TMEM40: variants seen among roughly 807,000 people sequenced by gnomAD.
The protein encoded by TMEM40 is transmembrane protein 40.
In TMEM40, 34 loss-of-function variants were observed where a neutral mutation model predicts 40.8. The ratio of observed to expected loss-of-function variants is 0.83; its 90% CI spans 0.63 to 1.11. The LOEUF (loss-of-function observed/expected upper bound fraction) is 1.11, where lower values mean the gene tolerates loss of function less well. Among genes scored for constraint, TMEM40 ranks in the 50% least tolerant of loss-of-function variants. The pLI is 0.00. For missense variants in TMEM40, 296 were observed against 280.2 expected, an observed-to-expected ratio of 1.06 and a Z score of -0.40; for synonymous variants, 106 against 107.0, an observed-to-expected ratio of 0.99 and a Z score of 0.06.
At chr3:12,735,214 G>A (rs967103568) in intron 11 of TMEM40, among the ~76,000 whole-genome samples, 1 of 152,224 alleles carries the variant, frequency 6.6e-6, no homozygotes, top group East Asian at 1.9e-4. Context: ...GTACAGCCAT[G>A]GAGAAGACAG....
rs2061349912 is a variant in TMEM40, at chr3:12,737,933, C to T, written c.425-179G>A. On this transcript the variant is annotated intron_variant, in intron 7 of 11. Coordinates refer to ENST00000314124, the MANE Select transcript of TMEM40 (RefSeq NM_018306.4). ...GTACTGTCCTTGGAACCCCCACTGA[C>T]TTCCTCCTCCTTCCTTAGGCCCGAG... is the stretch of plus-strand genomic sequence containing the variant. 6.7e-6 allele frequency: 6 copies of T among 898,036 alleles called. No individual in the cohort carries two copies. The South Asian group carries it at 7.2e-5, about 11-fold the overall frequency. The allele number at this position is 898,036 out of a possible 1,614,324, so 55.6% of individuals were successfully genotyped here.
chr3:12,735,415 C>T, intron 11 of TMEM40, 140 bp downstream of exon 11: 1 of 785,940 alleles, frequency 1.3e-6, no homozygotes, highest in East Asian at 2.6e-5. Flanking sequence ...GGTCACAGAG[C>T]TAGTAAACTG....
intron 4 of TMEM40, 122 bp from the exon 5 acceptor site, chr3:12,742,629 G>T: frequency 8.4e-7 from 1 of 1,194,568 alleles, no homozygotes; most frequent in South Asian, 1.4e-5. Flanking sequence ...TGAGGTGGGG[G>T]GCAGTCTTCA....
At chr3:12,741,659 A>G (rs2061382699) in intron 5 of TMEM40, among the ~76,000 whole-genome samples, 1 of 152,242 alleles carries the variant, frequency 6.6e-6, no homozygotes, top group Non-Finnish European at 1.5e-5. Context: ...ATTTTAAAAT[A>G]CACATAAACA....
At chr3:12,735,809 G>A (rs2061333113) in intron 10 of TMEM40, among the ~76,000 whole-genome samples, 192 bp from the exon 11 acceptor site, 1 of 152,188 alleles carries the variant, frequency 6.6e-6, no homozygotes, top group African/African-American at 2.4e-5. Context: ...AGAAGTAGTG[G>A]CAGGAAACTC....
intron 1 of TMEM40, among the ~76,000 whole-genome samples, chr3:12,758,287 A>C (rs916357871): frequency 6.6e-6 from 1 of 151,886 alleles, no homozygotes; most frequent in Admixed American, 6.6e-5. Context: ...ACTCCCCACC[A>C]CTCCCACTAA....
chr3:12,743,597 A>G (rs1401082555), intron 4 of TMEM40, among the ~76,000 whole-genome samples: 1 of 152,216 alleles, frequency 6.6e-6, no homozygotes, highest in African/African-American at 2.4e-5. Context: ...CACTATTAAC[A>G]TTTTAGCATT....
intron 1 of TMEM40, among the ~76,000 whole-genome samples, chr3:12,766,573 C>T (rs1264673077): frequency 6.8e-6 from 1 of 147,068 alleles, no homozygotes. Context: ...CCAGCCTGGG[C>T]GACACAGCGA....
chr3:12,741,124 G>A (rs1327889238), intron 5 of TMEM40: 1 of 152,272 alleles, frequency 6.6e-6, no homozygotes, highest in Non-Finnish European at 1.5e-5. Context: ...TGTACACCTC[G>A]ATCCTTGGCT....
chr3:12,751,676 A>G (rs1249080826), intron 1 of TMEM40, among the ~76,000 whole-genome samples: 1 of 152,164 alleles, frequency 6.6e-6, no homozygotes, highest in Non-Finnish European at 1.5e-5. Context: ...TCGAGATGGA[A>G]TGACTGACAG....
At chr3:12,769,382 C>T (rs1251251734) in exon 1 of TMEM40, 1 of 216,802 alleles carries the variant, frequency 4.6e-6, no homozygotes, top group Non-Finnish European at 1.1e-5. Flanking sequence ...GCACCAAGAG[C>T]AAGCGAGGGC....
intron 3 of TMEM40, among the ~76,000 whole-genome samples, chr3:12,747,196 T>C (rs1335099312): frequency 6.6e-6 from 1 of 151,904 alleles, no homozygotes; most frequent in African/African-American, 2.4e-5. Flanking sequence ...CTTTTTTTTT[T>C]TTTTCCTTCC....
Position 12,736,797 on chromosome 3 carries a change from C to G in TMEM40, c.511G>C (p.Gly171Arg), listed in dbSNP as rs759291365. 2 of 1,614,114 alleles carry G rather than the reference C, an allele frequency of 1.2e-6. No individual in the cohort carries two copies. The highest frequency in any genetic ancestry group is 1.1e-5 in the South Asian group (1 of 91,068). ...TAGTGATAACACACCAGCAAGGCCC[C>G]GATGGCAAAGCACAGGAGGACGAAA... is the stretch of plus-strand genomic sequence containing the variant. Reference protein sequence around the residue: ...FHFVLLCFAIGALLVCYHYYA... With the variant: ...FHFVLLCFAIRALLVCYHYYA... The change falls in exon 9 of 12, where the codon GGG (glycine) becomes CGG (arginine). Residue 171 changes from glycine (G) to arginine (R), a missense_variant. Coordinates refer to ENST00000314124, the MANE Select transcript of TMEM40 (RefSeq NM_018306.4).
rs1392931789 is a variant in TMEM40, at chr3:12,734,404, C to T, written c.*370G>A. On this transcript the variant is annotated 3_prime_UTR_variant, in exon 12 of 12. Transcript: ENST00000314124. ...GCACCTGAGAGCGCATGCAGATAGCCTGGGATTTGAGAAAAACCATGAACC... is the reference window on the plus strand; with the variant it reads ...GCACCTGAGAGCGCATGCAGATAGCTTGGGATTTGAGAAAAACCATGAACC... 1 of 227,344 alleles carries T rather than the reference C, an allele frequency of 4.4e-6. No homozygotes were observed. Among genetic ancestry groups the T allele is most frequent in the Non-Finnish European group, 8.7e-6 (1 of 115,556 alleles). 14.1% of individuals were successfully genotyped at this position (227,344 alleles called of 1,614,324 possible).
chr3:12,742,155 G>C (rs536699970), intron 5 of TMEM40, among the ~76,000 whole-genome samples: 12 of 152,206 alleles, frequency 7.9e-5, no homozygotes, highest in Admixed American at 6.5e-4. Context: ...ACTTGAATTG[G>C]GGAGGTGGAA....
At chr3:12,749,224 C>A (rs2061453920) in intron 2 of TMEM40, among the ~76,000 whole-genome samples, 1 of 152,032 alleles carries the variant, frequency 6.6e-6, no homozygotes, top group Non-Finnish European at 1.5e-5. Flanking sequence ...CGGGGTTTCA[C>A]CGTGTTAGCC....
Position 12,735,614 on chromosome 3 carries a change from T to C in TMEM40, c.623A>G (p.Tyr208Cys). ...GCCTTGGAGGACGCTGTGGATACGG[T>C]ACACTGCTCAGAAGCAAAGAAAAAA... ...ETVGIYFGLV[Y>C]RIHSVLQGFI... Residue 208 changes from tyrosine to cysteine, a missense_variant, in exon 11 of 12, where the codon TAC becomes TGC. Physicochemically the swap from Tyr to Cys is radical, Grantham distance 194. Transcript: ENST00000314124. The C allele has an allele frequency of 6.2e-7, 1 of 1,611,450 alleles. No homozygotes were observed. Among genetic ancestry groups the C allele is most frequent in the African/African-American group, 1.3e-5 (1 of 74,794 alleles).
In TMEM40 at chr3:12,742,075, C is replaced by CA. The variant is rs200274969; in HGVS notation, c.355+378dup. Reference sequence around the variant, plus strand: ...TGAAACCCTGTCTCTACTAAAAATACAAAAAATTAGCTGGGCTGGTGGTGG... The same window carrying CA: ...TGAAACCCTGTCTCTACTAAAAATACAAAAAAATTAGCTGGGCTGGTGGTGG... On this transcript the variant is annotated intron_variant, in intron 5 of 11. Transcript: ENST00000314124. Among the ~76,000 whole-genome samples the CA allele has an allele frequency of 8.5e-3, 1,297 of 152,174 alleles. 20 individuals carry two copies. The highest frequency in any genetic ancestry group is 0.031 in the Admixed American group (479 of 15,266).
At position 12,742,894 on chromosome 3, in the gene TMEM40, A is replaced by G. The variant is rs567049632; in HGVS notation, c.302-387T>C. Among the ~76,000 whole-genome samples the G allele has an allele frequency of 8.5e-5, 13 of 152,336 alleles. No homozygotes were observed. The East Asian group carries it at 2.3e-3, about 27-fold the overall frequency. On this transcript the variant is annotated intron_variant, in intron 4 of 11. Coordinates refer to ENST00000314124, the MANE Select transcript of TMEM40 (RefSeq NM_018306.4). The stretch of plus-strand genomic sequence containing the variant: ...TACCCCACCCATTATACAGATAAGG[A>G]CACTGAGGCTCAAATAGTTAAATTA...
Sources: allele counts gnomAD v4.1 joint callset (sites outside exome capture counted in the v4.1 genomes callset), GRCh38; gene constraint gnomAD v4.1.1; transcripts MANE v1.5; gene names NCBI Gene and HGNC (gene_info 2026-07-23, HGNC 2026-07-21).